RBFOX1: variants seen among roughly 807,000 people sequenced by gnomAD.
RBFOX1 encodes RNA binding protein fox-1 homolog 1.
In RBFOX1, 8 loss-of-function variants were observed where a neutral mutation model predicts 57.7. That is an observed-to-expected ratio of 0.14 (90% CI 0.08 to 0.25). The LOEUF (loss-of-function observed/expected upper bound fraction) is 0.25. Among genes scored for constraint, RBFOX1 ranks in the 10% least tolerant of loss-of-function variants. The pLI is 1.00. For missense variants in RBFOX1, 611 were observed against 548.5 expected, an observed-to-expected ratio of 1.11 and a Z score of -1.14; for synonymous variants, 326 against 222.4, an observed-to-expected ratio of 1.47 and a Z score of -4.15.
intron 3 of RBFOX1, among the ~76,000 whole-genome samples, chr16:5,679,345 T>A (rs1337251217): frequency 1.3e-5 from 2 of 152,122 alleles, no homozygotes; most frequent in Admixed American, 6.5e-5. Context: ...TTTTTTTTTT[T>A]TAAAAAACAA....
intron 3 of RBFOX1, among the ~76,000 whole-genome samples, chr16:5,782,182 G>A (rs1405582268): frequency 6.6e-6 from 1 of 152,234 alleles, no homozygotes; most frequent in African/African-American, 2.4e-5. Context: ...CTGTACACCA[G>A]CCTGAGTGAC....
intron 1 of RBFOX1, among the ~76,000 whole-genome samples, chr16:6,164,568 G>A (rs2096902666): frequency 6.6e-6 from 1 of 151,076 alleles, no homozygotes; most frequent in African/African-American, 2.4e-5. Context: ...TCAGATTCAA[G>A]CGATTCTCAT....
intron 2 of RBFOX1, among the ~76,000 whole-genome samples, chr16:6,478,429 A>ATATAT (rs1159954387): frequency 8.1e-4 from 20 of 24,608 alleles, no homozygotes; most frequent in African/African-American, 1.1e-3. Flanking sequence ...ATATATATAT[A>ATATAT]TTTTTTTTTT....
At chr16:5,869,919 C>A (rs146560221) in intron 4 of RBFOX1, among the ~76,000 whole-genome samples, 1 of 151,924 alleles carries the variant, frequency 6.6e-6, no homozygotes, top group Non-Finnish European at 1.5e-5. Flanking sequence ...GGAAACAAAC[C>A]AAATGTCTAT....
intron 4 of RBFOX1, among the ~76,000 whole-genome samples, chr16:5,889,001 T>G (rs1649861860): frequency 6.6e-6 from 1 of 151,994 alleles, no homozygotes; most frequent in African/African-American, 2.4e-5. Flanking sequence ...TAAGCAAGAT[T>G]GGTCAAGATT....
intron 3 of RBFOX1, among the ~76,000 whole-genome samples, chr16:6,950,354 G>A (rs541455367): frequency 4.6e-5 from 7 of 152,072 alleles, no homozygotes; most frequent in Non-Finnish European, 8.8e-5. Context: ...ACAGTTACTT[G>A]TGTGGATCTC....
intron 3 of RBFOX1, among the ~76,000 whole-genome samples, chr16:5,811,936 A>G (rs965618438): frequency 6.6e-6 from 1 of 151,978 alleles, no homozygotes; most frequent in African/African-American, 2.4e-5. Context: ...CTCTCCCTCA[A>G]CCTCCAGCTC....
intron 2 of RBFOX1, among the ~76,000 whole-genome samples, chr16:6,490,321 G>A (rs1036973083): frequency 2.6e-5 from 4 of 152,184 alleles, no homozygotes; most frequent in African/African-American, 9.7e-5. Context: ...GAAGTAGAGA[G>A]CGTCAATGAA....
intron 3 of RBFOX1, among the ~76,000 whole-genome samples, chr16:5,615,244 T>G (rs1205896208): frequency 6.6e-6 from 1 of 152,194 alleles, no homozygotes; most frequent in African/African-American, 2.4e-5. Context: ...TTGCCCAGGC[T>G]TGTCTCTAAT....
chr16:6,752,187 G>C (rs910076519), intron 3 of RBFOX1, among the ~76,000 whole-genome samples: 1 of 152,132 alleles, frequency 6.6e-6, no homozygotes, highest in East Asian at 1.9e-4. Context: ...ATTTCTTGTA[G>C]CATGTGCTGG....
chr16:6,350,146 G>T (rs2086051053), intron 2 of RBFOX1, among the ~76,000 whole-genome samples: 1 of 151,968 alleles, frequency 6.6e-6, no homozygotes, highest in Admixed American at 6.6e-5. Flanking sequence ...TTCAGATGAA[G>T]AAATCGTAAA....
intron 3 of RBFOX1, among the ~76,000 whole-genome samples, chr16:5,769,914 G>C (rs541775277): frequency 1.2e-4 from 18 of 152,248 alleles, no homozygotes; most frequent in African/African-American, 4.1e-4. Flanking sequence ...CAGGATGTTG[G>C]GGGCAAGGAT....
intron 4 of RBFOX1, among the ~76,000 whole-genome samples, chr16:7,462,820 CT>C (rs1435429907): frequency 1.3e-5 from 2 of 152,178 alleles, no homozygotes; most frequent in Non-Finnish European, 2.9e-5. Context: ...ACTCGAGTCT[CT>C]TTTTGCTTTG....
intron 3 of RBFOX1, among the ~76,000 whole-genome samples, chr16:6,913,453 C>G (rs1385016486): frequency 6.6e-6 from 1 of 152,126 alleles, no homozygotes; most frequent in Non-Finnish European, 1.5e-5. Flanking sequence ...CCCACCAGAC[C>G]CTGAGCATGT....
intron 2 of RBFOX1, among the ~76,000 whole-genome samples, chr16:6,442,576 A>G (rs970179892): frequency 6.6e-5 from 10 of 151,666 alleles, no homozygotes; most frequent in Non-Finnish European, 1.3e-4. Context: ...GAAAAGAAAA[A>G]AAAAGAAACA....
intron 2 of RBFOX1, among the ~76,000 whole-genome samples, chr16:6,550,787 A>G (rs1365779020): frequency 2.0e-5 from 3 of 152,224 alleles, no homozygotes; most frequent in African/African-American, 7.2e-5. Context: ...TTCTTGAGAA[A>G]CAGAGTACTG....
intron 4 of RBFOX1, among the ~76,000 whole-genome samples, chr16:7,236,778 A>G (rs1476153762): frequency 6.6e-6 from 1 of 152,158 alleles, no homozygotes; most frequent in African/African-American, 2.4e-5. Flanking sequence ...AAATGCAGTC[A>G]GTGATAAGGC....
At chr16:7,630,528 G>A in intron 10 of RBFOX1, 75 bp from the exon 11 acceptor site, 12 of 1,594,514 alleles carry the variant, frequency 7.5e-6, no homozygotes, top group South Asian at 2.3e-5. Context: ...GCATTTCTCG[G>A]TTGCATTGCC....
chr16:7,337,805 C>T (rs2096821701), intron 4 of RBFOX1, among the ~76,000 whole-genome samples: 1 of 152,196 alleles, frequency 6.6e-6, no homozygotes, highest in Non-Finnish European at 1.5e-5. Context: ...CTGCCTCAGC[C>T]TCCCAAGTAA....
Sources: gnomAD v4.1 joint callset for allele counts (sites outside exome capture counted in the v4.1 genomes callset) on GRCh38, gnomAD v4.1.1 for gene constraint, MANE v1.5 for transcripts, NCBI Gene and HGNC (gene_info 2026-07-23, HGNC 2026-07-21) for gene names.